TMCO5A: variants seen among roughly 807,000 people sequenced by gnomAD.
TMCO5A encodes the protein transmembrane and coiled-coil domain-containing protein 5A.
TMCO5A carries 34 observed loss-of-function variants against 42.3 expected under a neutral mutation model. That is an observed-to-expected ratio of 0.80 (90% CI 0.61 to 1.07). TMCO5A has a LOEUF of 1.07. Ranked by LOEUF, TMCO5A falls within the 50% of genes least tolerant of loss-of-function variation. The probability of loss-of-function intolerance (pLI) is 0.00; values close to 1 mark genes in which losing one functional copy is unlikely to be tolerated. For synonymous variants in TMCO5A, 131 were observed against 115.6 expected, an observed-to-expected ratio of 1.13 and a Z score of -0.86; for missense variants, 357 against 327.9, an observed-to-expected ratio of 1.09 and a Z score of -0.69.
intron 6 of TMCO5A, among the ~76,000 whole-genome samples, chr15:37,939,203 G>A (rs1195577596): frequency 6.6e-6 from 1 of 152,008 alleles, no homozygotes; most frequent in East Asian, 1.9e-4. Flanking sequence ...TTGGTTGTGT[G>A]TATGAAGCCT....
chr15:38,015,823 A>G, the TMCO5A span, among the ~76,000 whole-genome samples: 1 of 152,244 alleles, frequency 6.6e-6, no homozygotes, highest in Non-Finnish European at 1.5e-5. Context: ...GCTTTTTACT[A>G]TATGATTTCA....
chr15:38,015,950 T>G, the TMCO5A span, among the ~76,000 whole-genome samples: 3 of 152,306 alleles, frequency 2.0e-5, no homozygotes, highest in Admixed American at 6.5e-5. Flanking sequence ...TTTAGGGCAG[T>G]GAAATTATTC....
intron 11 of TMCO5A, among the ~76,000 whole-genome samples, chr15:37,949,451 C>G (rs1454255835): frequency 6.6e-6 from 1 of 152,014 alleles, no homozygotes; most frequent in Admixed American, 6.6e-5. Flanking sequence ...TCAGGACTTA[C>G]TATGACGCTA....
chr15:38,025,470 T>G, the TMCO5A span, among the ~76,000 whole-genome samples: 11 of 152,290 alleles, frequency 7.2e-5, no homozygotes, highest in Non-Finnish European at 1.3e-4. Context: ...AAGATATTTT[T>G]ATGTTTATAT....
chr15:38,009,427 G>T, the TMCO5A span, among the ~76,000 whole-genome samples: 1 of 152,190 alleles, frequency 6.6e-6, no homozygotes, highest in African/African-American at 2.4e-5. Context: ...GATTCATTAT[G>T]TGAGAAATGT....
At chr15:37,954,719 C>A (rs1273703835), downstream of TMCO5A, among the ~76,000 whole-genome samples, 4 of 151,860 alleles carry the variant, frequency 2.6e-5, no homozygotes, top group Non-Finnish European at 4.4e-5. Flanking sequence ...ATGAACCAAT[C>A]AAAAATAATA....
the TMCO5A span, among the ~76,000 whole-genome samples, chr15:38,001,862 T>G: frequency 6.6e-6 from 1 of 152,236 alleles, no homozygotes; most frequent in South Asian, 2.1e-4. Flanking sequence ...TTATATCTTA[T>G]TATATTGTCT....
At chr15:38,033,738 T>C in the TMCO5A span, among the ~76,000 whole-genome samples, 2 of 152,192 alleles carry the variant, frequency 1.3e-5, no homozygotes, top group South Asian at 4.2e-4. Context: ...GCACTTCTCC[T>C]GAGTAGCTGG....
chr15:37,996,464 G>A, the TMCO5A span, among the ~76,000 whole-genome samples: 1 of 152,184 alleles, frequency 6.6e-6, no homozygotes, highest in South Asian at 2.1e-4. Context: ...CTCTCTACCT[G>A]TCTAATGACC....
rs1889539686 is a variant in TMCO5A, at chr15:37,936,975, G to A, written c.264+5G>A. 6.2e-7 allele frequency: 1 copy of A among 1,611,716 alleles called. No homozygotes were observed. Among genetic ancestry groups the A allele is most frequent in the African/African-American group, 1.3e-5 (1 of 74,790 alleles). ...GAGGAAGAAACAGCCAGACTTGTAA[G>A]CAAGAAGTTGGGAAGAGCCATTTAA... On this transcript the variant is annotated splice_donor_5th_base_variant and intron_variant, in intron 4 of 11. Transcript: ENST00000319669.
At chr15:37,937,305 G>A in intron 4 of TMCO5A, 41 bp from the exon 5 acceptor site, 1 of 1,605,732 alleles carries the variant, frequency 6.2e-7, no homozygotes, top group Non-Finnish European at 8.5e-7. Flanking sequence ...AGAACAGATG[G>A]AGTACAGAGG....
chr15:37,992,395 G>A, the TMCO5A span, among the ~76,000 whole-genome samples: 1 of 152,182 alleles, frequency 6.6e-6, no homozygotes, highest in Non-Finnish European at 1.5e-5. Context: ...TACACTGTTG[G>A]TGGGAGTGTA....
chr15:37,942,434 A>G, intron 9 of TMCO5A, 179 bp downstream of exon 9: 1 of 570,572 alleles, frequency 1.8e-6, no homozygotes, highest in Non-Finnish European at 3.1e-6. Flanking sequence ...TAAAACTTCC[A>G]GTCATTCTCC....
At chr15:37,981,021 A>T in the TMCO5A span, among the ~76,000 whole-genome samples, 2 of 152,140 alleles carry the variant, frequency 1.3e-5, no homozygotes, top group African/African-American at 4.8e-5. Flanking sequence ...AAACAGTTCA[A>T]AAGTTATTGT....
chr15:37,963,808 C>A (rs921392827), intron 11 of TMCO5A, among the ~76,000 whole-genome samples: 5 of 151,986 alleles, frequency 3.3e-5, no homozygotes, highest in African/African-American at 4.8e-5. Flanking sequence ...ATACAATGTC[C>A]CTCTTTCTCT....
the TMCO5A span, among the ~76,000 whole-genome samples, chr15:38,015,445 G>A: frequency 6.6e-6 from 1 of 152,186 alleles, no homozygotes; most frequent in Non-Finnish European, 1.5e-5. Context: ...TGTATTCATT[G>A]CTGGTGGGAA....
At chr15:38,025,700 C>A in the TMCO5A span, among the ~76,000 whole-genome samples, 2 of 152,116 alleles carry the variant, frequency 1.3e-5, no homozygotes, top group African/African-American at 4.8e-5. Flanking sequence ...GACTCTGTGT[C>A]CCCACCCCAA....
chr15:37,986,768 T>C, the TMCO5A span, among the ~76,000 whole-genome samples: 2 of 152,042 alleles, frequency 1.3e-5, no homozygotes, highest in African/African-American at 4.8e-5. Flanking sequence ...TGTTGCAGCA[T>C]ACAAGATTCC....
chr15:38,030,749 C>G, the TMCO5A span, among the ~76,000 whole-genome samples: 4 of 152,176 alleles, frequency 2.6e-5, no homozygotes, highest in South Asian at 2.1e-4. Context: ...CCCAAACAAG[C>G]CTTTCTCTTT....
Sources: gnomAD v4.1 joint callset for allele counts (sites outside exome capture counted in the v4.1 genomes callset) on GRCh38, gnomAD v4.1.1 for gene constraint, MANE v1.5 for transcripts, NCBI Gene and HGNC (gene_info 2026-07-23, HGNC 2026-07-21) for gene names.